The following TNS1 variants were observed in gnomAD, a reference collection of about 807,000 sequenced individuals.
TNS1 encodes the protein tensin 1.
TNS1 carries 62 observed loss-of-function variants against 168.6 expected under a neutral mutation model. That is an observed-to-expected ratio of 0.37 (90% CI 0.30 to 0.45). TNS1 has a LOEUF of 0.45. Among genes scored for constraint, TNS1 ranks in the 20% least tolerant of loss-of-function variants. TNS1 has a pLI of 1.00. For synonymous variants in TNS1, 934 were observed against 933.2 expected (o/e 1.00, Z -0.02); for missense variants, 2,240 against 2,339.4 (o/e 0.96, Z 0.88).
intron 18 of TNS1, among the ~76,000 whole-genome samples, chr2:217,856,108 G>A (rs1394478740): frequency 6.6e-6 from 1 of 152,148 alleles, no homozygotes; most frequent in Non-Finnish European, 1.5e-5. Context: ...GAAAAGTTAG[G>A]GTGCTGTCTC....
intron 1 of TNS1, among the ~76,000 whole-genome samples, chr2:217,991,760 C>T (rs1262667818): frequency 1.3e-5 from 2 of 152,200 alleles, no homozygotes; most frequent in South Asian, 2.1e-4. Context: ...CATTTCCCCT[C>T]ATTCTCTCCC....
intron 18 of TNS1, among the ~76,000 whole-genome samples, chr2:217,862,542 C>T (rs930526260): frequency 1.3e-5 from 2 of 152,226 alleles, no homozygotes; most frequent in Admixed American, 6.5e-5. Context: ...CCAGATTTGC[C>T]ACATGGCACC....
intron 3 of TNS1, among the ~76,000 whole-genome samples, chr2:217,959,491 G>C (rs1329746056): frequency 6.6e-6 from 1 of 151,072 alleles, no homozygotes; most frequent in Non-Finnish European, 1.5e-5. Context: ...CCTTAGCATG[G>C]AATCTTATCA....
chr2:217,906,451 G>A (rs1953717400), intron 5 of TNS1, 66 bp from the exon 6 acceptor site: 5 of 700,676 alleles, frequency 7.1e-6, no homozygotes, highest in Non-Finnish European at 7.8e-6. Context: ...CACCTTGCTG[G>A]GTTTGTCAGG....
At chr2:217,898,449 GC>G (rs1261258741) in intron 7 of TNS1, among the ~76,000 whole-genome samples, 3 of 152,230 alleles carry the variant, frequency 2.0e-5, no homozygotes, top group Non-Finnish European at 4.4e-5. Flanking sequence ...CCCACTGCCC[GC>G]CCCTAGCTCT....
At chr2:217,955,421 C>A (rs931008949) in intron 3 of TNS1, among the ~76,000 whole-genome samples, 1 of 152,152 alleles carries the variant, frequency 6.6e-6, no homozygotes, top group Non-Finnish European at 1.5e-5. Flanking sequence ...GGCCCAAACA[C>A]GAGCCTTCCT....
intron 3 of TNS1, among the ~76,000 whole-genome samples, chr2:217,946,542 C>T (rs1221711232): frequency 6.6e-6 from 1 of 152,188 alleles, no homozygotes; most frequent in Non-Finnish European, 1.5e-5. Context: ...CAAAGATACT[C>T]ATATGAAGAC....
rs1942874244 is a variant in TNS1 at position 217,821,687 on chromosome 2, C to T, written c.3572+53G>A. 29 of 1,403,132 alleles carry T rather than the reference C, an allele frequency of 2.1e-5. No homozygotes were observed. The South Asian group carries it at 4.3e-4, about 21-fold the overall frequency. The allele number at this position is 1,403,132 out of a possible 1,614,324, so 86.9% of individuals were successfully genotyped here. The stretch of plus-strand genomic sequence containing the variant: ...TCCAGGAGGCCTCACCCATCCCGTC[C>T]CAGTCCCAGGCCCGGATTCCCATCC... On this transcript the variant is annotated intron_variant, in intron 23 of 32. Coordinates refer to ENST00000682258, the MANE Select transcript of TNS1 (RefSeq NM_001387777.1).
intron 1 of TNS1, among the ~76,000 whole-genome samples, chr2:218,026,524 C>T (rs1958850736): frequency 6.6e-6 from 1 of 152,170 alleles, no homozygotes; most frequent in Admixed American, 6.5e-5. Flanking sequence ...AGTGAAAGCT[C>T]CTCTACCTCC....
At chr2:217,942,978 T>C (rs566466115) in intron 3 of TNS1, among the ~76,000 whole-genome samples, 16 of 151,732 alleles carry the variant, frequency 1.1e-4, no homozygotes, top group Non-Finnish European at 2.1e-4. Context: ...AAGTCCTGGA[T>C]TGGGGGTTGG....
intron 3 of TNS1, 149 bp downstream of exon 3, chr2:217,978,615 TC>T (rs1206408383): frequency 7.8e-5 from 15 of 191,292 alleles, no homozygotes; most frequent in Non-Finnish European, 1.4e-4. Flanking sequence ...CTGCGCCCGC[TC>T]CCAGGCCCAG....
At chr2:217,893,241 A>G (rs1951916900) in intron 10 of TNS1, among the ~76,000 whole-genome samples, 198 bp downstream of exon 10, 1 of 152,210 alleles carries the variant, frequency 6.6e-6, no homozygotes, top group African/African-American at 2.4e-5. Context: ...GATGTCCCCT[A>G]CACTTCTTAG....
intron 3 of TNS1, among the ~76,000 whole-genome samples, chr2:217,940,668 G>A (rs1175480876): frequency 3.3e-5 from 5 of 152,190 alleles, no homozygotes; most frequent in African/African-American, 9.7e-5. Context: ...TCCCCTGGTC[G>A]GAGGCGGTGG....
At chr2:218,026,705 G>A (rs996376662) in intron 1 of TNS1, among the ~76,000 whole-genome samples, 14 of 152,302 alleles carry the variant, frequency 9.2e-5, no homozygotes, top group Admixed American at 3.9e-4. Context: ...AGGAGGCTGC[G>A]CCACAGGTGC....
chr2:217,934,178 T>C (rs1221298693), intron 3 of TNS1, among the ~76,000 whole-genome samples: 1 of 152,034 alleles, frequency 6.6e-6, no homozygotes, highest in Non-Finnish European at 1.5e-5. Flanking sequence ...AATTCTACAC[T>C]CCTTGAGGCA....
chr2:218,017,457 C>T (rs375566047), intron 1 of TNS1, among the ~76,000 whole-genome samples: 13 of 152,382 alleles, frequency 8.5e-5, no homozygotes, highest in African/African-American at 3.1e-4. Flanking sequence ...GCCTCAGTGT[C>T]CTCATCTGCA....
chr2:217,845,706 T>C (rs1429723094), intron 19 of TNS1, among the ~76,000 whole-genome samples: 1 of 152,168 alleles, frequency 6.6e-6, no homozygotes, highest in Non-Finnish European at 1.5e-5. Flanking sequence ...AAGTTGACAG[T>C]CAAGCCTTCG....
At chr2:217,873,481 G>A (rs910034629) in intron 18 of TNS1, among the ~76,000 whole-genome samples, 3 of 152,216 alleles carry the variant, frequency 2.0e-5, no homozygotes, top group Admixed American at 6.5e-5. Context: ...GGGAACAGGG[G>A]TGGGGGCGCA....
At chr2:217,979,615 C>T (rs2126052123) in intron 2 of TNS1, among the ~76,000 whole-genome samples, 1 of 152,220 alleles carries the variant, frequency 6.6e-6, no homozygotes, top group African/African-American at 2.4e-5. Context: ...GTTCCCGAAG[C>T]CTGGAATGTC....
Sources: allele counts gnomAD v4.1 joint callset (sites outside exome capture counted in the v4.1 genomes callset), GRCh38; gene constraint gnomAD v4.1.1; transcripts MANE v1.5; gene names NCBI Gene and HGNC (gene_info 2026-07-23, HGNC 2026-07-21).